The following XPO1 variants were observed in gnomAD, a reference collection of about 807,000 sequenced individuals.
The protein encoded by XPO1 is exportin 1, also known as exportin-1.
Under a neutral mutation model 133.3 loss-of-function variants are expected in XPO1, and 5 were observed. That is an observed-to-expected ratio of 0.04 (90% CI 0.02 to 0.08). XPO1 has a LOEUF of 0.08. XPO1 is among the 10% of genes least tolerant of loss of function. The pLI is 1.00. For synonymous variants in XPO1, 419 were observed against 408.2 expected (o/e 1.03, Z -0.32); for missense variants, 506 against 1,267.5 (o/e 0.40, Z 9.12).
chr2:61,519,723 A>AAAAAAAAC (rs1298046130), intron 4 of XPO1, among the ~76,000 whole-genome samples: 2 of 144,404 alleles, frequency 1.4e-5, no homozygotes, highest in African/African-American at 5.0e-5. Flanking sequence ...AAAAAAAAAA[A>AAAAAAAAC]CACCACGTAA....
chr2:61,488,894 G>A (rs1324055550), intron 17 of XPO1, 123 bp from the exon 18 acceptor site: 8 of 983,448 alleles, frequency 8.1e-6, no homozygotes, highest in Non-Finnish European at 1.2e-5. Flanking sequence ...GAGTTCAGGA[G>A]ATCGGGACCA....
chr2:61,533,082 G>A (rs949360984), intron 2 of XPO1, among the ~76,000 whole-genome samples: 5 of 152,132 alleles, frequency 3.3e-5, no homozygotes, highest in African/African-American at 1.2e-4. Context: ...GGGAGGCTGA[G>A]GCAAGACAAT....
At chr2:61,526,316 A>G (rs1370381773) in intron 3 of XPO1, 104 bp downstream of exon 3, 2 of 1,462,502 alleles carry the variant, frequency 1.4e-6, no homozygotes, top group African/African-American at 2.9e-5. Context: ...ACAATATAAA[A>G]TAATTTGAGA....
At chr2:61,482,869 C>T (rs1204955748) in intron 22 of XPO1, 88 bp downstream of exon 22, 52 of 1,520,476 alleles carry the variant, frequency 3.4e-5, no homozygotes, top group Non-Finnish European at 4.1e-5. Context: ...ATAATCTCCC[C>T]GCCTCGACCT....
chr2:61,506,286 G>A (rs1697809047), intron 4 of XPO1, among the ~76,000 whole-genome samples: 1 of 152,132 alleles, frequency 6.6e-6, no homozygotes, highest in African/African-American at 2.4e-5. Flanking sequence ...AGCCAGGCAT[G>A]GTGGCACGCG....
intron 21 of XPO1, 178 bp from the exon 22 acceptor site, chr2:61,483,269 T>C (rs996936490): frequency 1.7e-6 from 1 of 580,128 alleles, no homozygotes; most frequent in Non-Finnish European, 2.9e-6. Context: ...CTATATCCAA[T>C]GCTGGCTTAC....
In XPO1 at chr2:61,478,868, G is replaced by C; in HGVS notation, c.3168C>G (p.Val1056=). ...TCTCATGTGGATTAAAGATGCCAGGGACAGACATTTGACGTTTATGTTTCT... is the reference window on the plus strand; with the variant it reads ...TCTCATGTGGATTAAAGATGCCAGGCACAGACATTTGACGTTTATGTTTCT... ...DEEKHKRQMS[V]PGIFNPHEIP... is the part of the protein sequence containing the mutation. The change falls in exon 25 of 25, where the codon GTC becomes GTG. Residue 1056 remains valine (V), a synonymous_variant. Coordinates refer to ENST00000401558, the MANE Select transcript of XPO1 (RefSeq NM_003400.4). 6.2e-7 allele frequency: 1 copy of C among 1,614,140 alleles called. No individual in the cohort carries two copies. The highest frequency in any genetic ancestry group is 8.5e-7 in the Non-Finnish European group (1 of 1,180,020).
rs567940763 is a variant in XPO1, at chr2:61,533,973, A to T, written c.-6-70T>A. The stretch of plus-strand genomic sequence containing the variant: ...TATTATCAAAAACTTCCTACAAGTT[A>T]TTTTACTTCAACCATGTTATTACAA... On this transcript the variant is annotated intron_variant, in intron 1 of 24. Coordinates refer to ENST00000401558, the MANE Select transcript of XPO1 (RefSeq NM_003400.4). 13 of 1,309,638 alleles carry T rather than the reference A, an allele frequency of 9.9e-6. No individual in the cohort carries two copies. In the East Asian group the frequency reaches 3.3e-4, roughly 33 times the overall value. 81.1% of individuals were successfully genotyped at this position (1,309,638 alleles called of 1,614,324 possible).
At chr2:61,500,639 A>T (rs2104513045) in intron 6 of XPO1, among the ~76,000 whole-genome samples, 1 of 150,876 alleles carries the variant, frequency 6.6e-6, no homozygotes, top group East Asian at 1.9e-4. Flanking sequence ...TCTCTACTAA[A>T]AATACAAAAA....
intron 11 of XPO1, among the ~76,000 whole-genome samples, chr2:61,494,987 A>C (rs1188919658): frequency 6.6e-6 from 1 of 151,818 alleles, no homozygotes; most frequent in East Asian, 1.9e-4. Flanking sequence ...GATTACAGTC[A>C]TGTGACACCA....
chr2:61,520,996 G>A (rs1166563825), intron 4 of XPO1, among the ~76,000 whole-genome samples: 2 of 152,130 alleles, frequency 1.3e-5, no homozygotes, highest in African/African-American at 4.8e-5. Flanking sequence ...GACCTACTTG[G>A]ACCACATAGT....
chr2:61,495,867 G>C (rs975588972), intron 10 of XPO1, among the ~76,000 whole-genome samples: 1 of 152,034 alleles, frequency 6.6e-6, no homozygotes, highest in Middle Eastern at 3.4e-3. Flanking sequence ...ACGGTATCTT[G>C]TTATGTTGTC....
intron 4 of XPO1, among the ~76,000 whole-genome samples, chr2:61,508,188 T>C (rs1697918811): frequency 6.6e-6 from 1 of 152,100 alleles, no homozygotes; most frequent in Admixed American, 6.5e-5. Context: ...ATAGTGAAAC[T>C]CTATCTCTAC....
chr2:61,516,480 T>G (rs899320454), intron 4 of XPO1, among the ~76,000 whole-genome samples: 1 of 152,002 alleles, frequency 6.6e-6, no homozygotes, highest in Non-Finnish European at 1.5e-5. Context: ...AATGGCGCGA[T>G]CTCAGCTCAC....
chr2:61,527,857 ATAAC>A (rs1340593219), intron 2 of XPO1, among the ~76,000 whole-genome samples: 2 of 152,048 alleles, frequency 1.3e-5, no homozygotes, highest in Non-Finnish European at 2.9e-5. Flanking sequence ...TTAGCATAAA[ATAAC>A]TAAAGTTTAT....
At chr2:61,479,292 T>C (rs1173703819) in intron 24 of XPO1, among the ~76,000 whole-genome samples, 1 of 151,834 alleles carries the variant, frequency 6.6e-6, no homozygotes, top group East Asian at 1.9e-4. Flanking sequence ...AACCCTGTCA[T>C]TACTAAAATT....
chr2:61,493,204 G>T, intron 12 of XPO1, 151 bp from the exon 13 acceptor site: 1 of 722,440 alleles, frequency 1.4e-6, no homozygotes, highest in Non-Finnish European at 2.1e-6. Flanking sequence ...ATTCCGGAGG[G>T]CCGAGGCAAA....
intron 24 of XPO1, 89 bp downstream of exon 24, chr2:61,481,096 G>A: frequency 1.3e-6 from 1 of 774,956 alleles, no homozygotes; most frequent in Non-Finnish European, 2.0e-6. Flanking sequence ...TATTTGGCAT[G>A]ACAAATCAAG....
chr2:61,508,007 G>A (rs2104588275), intron 4 of XPO1, among the ~76,000 whole-genome samples: 1 of 152,120 alleles, frequency 6.6e-6, no homozygotes, highest in Middle Eastern at 3.4e-3. Context: ...CTTAGCACTG[G>A]TACAATCTAG....
Sources: gnomAD v4.1 joint callset for allele counts (sites outside exome capture counted in the v4.1 genomes callset) on GRCh38, gnomAD v4.1.1 for gene constraint, MANE v1.5 for transcripts, NCBI Gene and HGNC (gene_info 2026-07-23, HGNC 2026-07-21) for gene names.